The following ARHGEF4 variants were observed in gnomAD, a reference collection of about 807,000 sequenced individuals.
ARHGEF4 encodes Rho guanine nucleotide exchange factor 4.
Under a neutral mutation model 162.0 loss-of-function variants are expected in ARHGEF4, and 119 were observed. The ratio of observed to expected loss-of-function variants is 0.73; its 90% CI spans 0.63 to 0.86. The LOEUF (loss-of-function observed/expected upper bound fraction) is 0.86. Among genes scored for constraint, ARHGEF4 ranks in the 40% least tolerant of loss-of-function variants. The pLI, the probability that ARHGEF4 is intolerant of heterozygous loss-of-function variation, is 0.00. For synonymous variants in ARHGEF4, 1,014 were observed against 979.9 expected (o/e 1.03, Z -0.65); for missense variants, 2,488 against 2,456.0 (o/e 1.01, Z -0.28).
intron 4 of ARHGEF4, among the ~76,000 whole-genome samples, chr2:130,999,311 C>A (rs552193865): frequency 6.2e-4 from 95 of 152,046 alleles, no homozygotes; most frequent in African/African-American, 2.2e-3. Context: ...CCCGCCACCA[C>A]GCCTGGCTAA....
chr2:130,890,584 A>G (rs1679806032), intron 1 of ARHGEF4, among the ~76,000 whole-genome samples: 1 of 150,948 alleles, frequency 6.6e-6, no homozygotes. Flanking sequence ...AAATTCCATC[A>G]TTTTACCTCT....
intron 4 of ARHGEF4, among the ~76,000 whole-genome samples, chr2:131,002,709 C>CAAAAA (rs66979991): frequency 1.1e-4 from 6 of 53,218 alleles, no homozygotes; most frequent in Admixed American, 3.4e-4. Flanking sequence ...GACTCCGTCT[C>CAAAAA]AAAAAAAAAA....
chr2:131,001,923 G>A (rs907977168), intron 4 of ARHGEF4, among the ~76,000 whole-genome samples: 1 of 152,328 alleles, frequency 6.6e-6, no homozygotes, highest in Admixed American at 6.5e-5. Flanking sequence ...GGTAACATGA[G>A]GGGCAAGGCT....
chr2:130,961,105 G>A (rs1352533348), intron 4 of ARHGEF4, among the ~76,000 whole-genome samples: 3 of 152,144 alleles, frequency 2.0e-5, no homozygotes, highest in East Asian at 1.9e-4. Context: ...CCCAGACAGC[G>A]AGAATCCTCC....
intron 1 of ARHGEF4, among the ~76,000 whole-genome samples, chr2:130,846,686 T>G (rs905191389): frequency 6.6e-6 from 1 of 152,098 alleles, no homozygotes; most frequent in African/African-American, 2.4e-5. Context: ...TCAGGGGTCT[T>G]TCTTTAGCAG....
chr2:130,999,164 T>C (rs1317396321), intron 4 of ARHGEF4, among the ~76,000 whole-genome samples: 2 of 150,204 alleles, frequency 1.3e-5, no homozygotes, highest in Non-Finnish European at 3.0e-5. Flanking sequence ...TTTTTTCTTT[T>C]TTTTTTTTTT....
In ARHGEF4 at chr2:130,914,921, ACT is replaced by A; in HGVS notation, c.977_978del (p.Leu326GlnfsTer44). On this transcript the variant is annotated frameshift_variant, in exon 2 of 14. Coordinates refer to ENST00000409359, the MANE Select transcript of ARHGEF4 (RefSeq NM_001367493.1). LOFTEE classifies it high-confidence loss of function. Reference sequence around the variant, plus strand: ...GTGACAAGAACAGGGCATCCCCCAGACTCAACTGTGGGCACATGAGGGCACTG... The same window carrying A: ...GTGACAAGAACAGGGCATCCCCCAGACAACTGTGGGCACATGAGGGCACTG... ...TGDKNRASPRLNCGHMRALVR... is the reference protein window; with the variant it reads ...TGDKNRASPRXNCGHMRALVR... 6.5e-7 allele frequency: 1 copy of A among 1,532,800 alleles called. No individual in the cohort carries two copies. Among genetic ancestry groups the A allele is most frequent in the Non-Finnish European group, 8.8e-7 (1 of 1,137,012 alleles). 94.9% of individuals were successfully genotyped at this position (1,532,800 alleles called of 1,614,324 possible). A position where few individuals can be genotyped will look rare whatever the true frequency, so the allele number is the denominator to read the frequency against.
chr2:130,919,771 G>C (rs1005704070), intron 2 of ARHGEF4, among the ~76,000 whole-genome samples: 2 of 152,028 alleles, frequency 1.3e-5, no homozygotes, highest in African/African-American at 4.8e-5. Flanking sequence ...AGCTACTTGG[G>C]AGGCTGAGGC....
intron 4 of ARHGEF4, among the ~76,000 whole-genome samples, chr2:130,981,087 T>C (rs1032314554): frequency 2.6e-4 from 40 of 152,330 alleles, no homozygotes; most frequent in Middle Eastern, 3.4e-3. Flanking sequence ...TTATTTCATT[T>C]TTTTGTGGCT....
chr2:130,917,284 G>A lies in ARHGEF4; in HGVS notation c.3338G>A (p.Ser1113Asn), dbSNP rs1291914208. The A allele has an allele frequency of 2.6e-6, 4 of 1,550,576 alleles. No individual in the cohort carries two copies. Among genetic ancestry groups the A allele is most frequent in the Non-Finnish European group, 2.6e-6 (3 of 1,146,990 alleles). The change falls in exon 2 of 14, where the codon AGC becomes AAC. Residue 1113 changes from serine (S) to asparagine (N), a missense_variant. Physicochemically the swap from Ser to Asn is conservative, Grantham distance 46 (BLOSUM62 1). This residue lies in a region of ARHGEF4 where 1,642 missense variants were observed against 1,481.5 expected (regional missense o/e 1.11). Transcript: ENST00000409359. Reference sequence around the variant, plus strand: ...GGTCTCCACTACCCCGGGAGGGGTAGCGCCATCTCCATGGTTTCTCTTGGA... The same window carrying A: ...GGTCTCCACTACCCCGGGAGGGGTAACGCCATCTCCATGGTTTCTCTTGGA... ...RMGLHYPGRG[S>N]AISMVSLGSY...
At chr2:130,964,087 AG>A in intron 4 of ARHGEF4, 1 of 818,934 alleles carries the variant, frequency 1.2e-6, no homozygotes. Flanking sequence ...CGGGCAGACG[AG>A]TGGCGATCTC....
rs139066085 is a variant in ARHGEF4 at position 130,922,228 on chromosome 2, G to A, written c.3552+4730G>A. On this transcript the variant is annotated intron_variant, in intron 2 of 13. Coordinates refer to ENST00000409359, the MANE Select transcript of ARHGEF4 (RefSeq NM_001367493.1). ...CTACTAAAAACCACAAAAATTAGCC[G>A]GGCATGGTGGCGCATGCATATAATC... 8.7e-3 allele frequency among the ~76,000 whole-genome samples: 1,319 copies of A among 151,824 alleles called. 10 individuals are homozygous for A. Among genetic ancestry groups the A allele is most frequent in the African/African-American group, 0.02 (820 of 41,442 alleles).
At chr2:131,039,270 C>T (rs1690566057) in intron 6 of ARHGEF4, 1 of 1,290,726 alleles carries the variant, frequency 7.7e-7, no homozygotes, top group African/African-American at 1.5e-5. Flanking sequence ...TGAGTGTGTG[C>T]AGACACTAGG....
At chr2:130,855,179 G>A (rs1421684927) in intron 1 of ARHGEF4, among the ~76,000 whole-genome samples, 1 of 151,940 alleles carries the variant, frequency 6.6e-6, no homozygotes, top group South Asian at 2.1e-4. Flanking sequence ...CCGGCCGGAG[G>A]AGTCTTTTTA....
At position 130,951,773 on chromosome 2, in the gene ARHGEF4, A is replaced by T. The variant is rs73960376; in HGVS notation, c.3985+5138A>T. Among the ~76,000 whole-genome samples, 914 of 152,318 alleles carry T rather than the reference A, an allele frequency of 6.0e-3. 4 individuals carry two copies. The highest frequency in any genetic ancestry group is 0.041 in the Middle Eastern group (12 of 294). ...CCAGCATCAACTTCAGATTTATACT[A>T]GCTTAATTCCAGTAATATATAGAAC... On this transcript the variant is annotated intron_variant, in intron 4 of 13. Transcript: ENST00000409359.
rs758978285 is a variant in ARHGEF4 at position 130,915,808 on chromosome 2, G to A, written c.1862G>A (p.Gly621Asp). The change falls in exon 2 of 14, where the codon GGC becomes GAC. Residue 621 changes from glycine to aspartate, a missense_variant. Physicochemically the swap from Gly to Asp is moderately conservative, Grantham distance 94 (BLOSUM62 -1). This residue lies in a region of ARHGEF4 where 1,642 missense variants were observed against 1,481.5 expected (regional missense o/e 1.11). Transcript: ENST00000409359. Reference sequence around the variant, plus strand: ...GGCCGGCAGCTGGAGCCCAAAGCAGGCGGCGAGGCCTCGAGGGGCAGGGGC... The same window carrying A: ...GGCCGGCAGCTGGAGCCCAAAGCAGACGGCGAGGCCTCGAGGGGCAGGGGC... The part of the protein sequence containing the change: ...AGGRQLEPKA[G>D]GEASRGRGAL... The A allele has an allele frequency of 1.2e-5, 19 of 1,524,404 alleles. 1 individual carries two copies. In the South Asian group the frequency reaches 1.8e-4, roughly 14 times the overall value. 94.4% of individuals were successfully genotyped at this position (1,524,404 alleles called of 1,614,324 possible). A position where few individuals can be genotyped will look rare whatever the true frequency, so the allele number is the denominator to read the frequency against.
chr2:131,044,228 G>T (rs772425593), intron 11 of ARHGEF4, 71 bp from the exon 12 acceptor site: 75 of 1,578,330 alleles, frequency 4.8e-5, no homozygotes, highest in Non-Finnish European at 6.2e-5. Flanking sequence ...GCTGGGGAGA[G>T]GAGGTGGGAG....
At chr2:131,036,221 T>C (rs1370416292) in intron 5 of ARHGEF4, among the ~76,000 whole-genome samples, 1 of 152,234 alleles carries the variant, frequency 6.6e-6, no homozygotes, top group South Asian at 2.1e-4. Context: ...ATGACTCTGA[T>C]GTCCTACGAA....
At chr2:130,866,657 T>C (rs766939194) in intron 1 of ARHGEF4, among the ~76,000 whole-genome samples, 1 of 152,240 alleles carries the variant, frequency 6.6e-6, no homozygotes. Flanking sequence ...TTCTCTTTTC[T>C]AGCCTGTTGA....
Sources: allele counts gnomAD v4.1 joint callset (sites outside exome capture counted in the v4.1 genomes callset), GRCh38; gene constraint gnomAD v4.1.1; regional missense constraint gnomAD v4.1.1; transcripts MANE v1.5; gene names NCBI Gene and HGNC (gene_info 2026-07-23, HGNC 2026-07-21).